CRB1: variants seen among roughly 807,000 people sequenced by gnomAD.
CRB1 encodes the protein crumbs cell polarity complex component 1.
CRB1 carries 83 observed loss-of-function variants against 120.0 expected under a neutral mutation model. The ratio of observed to expected loss-of-function variants is 0.69; its 90% CI spans 0.58 to 0.83. The LOEUF is 0.83. Ranked by LOEUF, CRB1 falls within the 40% of genes least tolerant of loss-of-function variation. CRB1 has a pLI of 0.00. For synonymous variants in CRB1, 625 were observed against 612.5 expected (o/e 1.02, Z -0.30); for missense variants, 1,699 against 1,687.6 (o/e 1.01, Z -0.12).
chr1:197,340,993 A>G (rs1014779851), intron 2 of CRB1, among the ~76,000 whole-genome samples: 29 of 152,260 alleles, frequency 1.9e-4, no homozygotes, highest in Admixed American at 1.0e-3. Flanking sequence ...GCAGCAGGCA[A>G]AGAGAGAGCT....
intron 11 of CRB1, among the ~76,000 whole-genome samples, chr1:197,471,559 G>A (rs898953218): frequency 1.6e-4 from 24 of 152,208 alleles, no homozygotes; most frequent in East Asian, 1.9e-4. Flanking sequence ...CTCTCTGATC[G>A]CCATCCTTTC....
intron 9 of CRB1, among the ~76,000 whole-genome samples, chr1:197,438,310 G>A (rs1258462710): frequency 6.6e-6 from 1 of 152,104 alleles, no homozygotes; most frequent in African/African-American, 2.4e-5. Context: ...TCTCACAAAC[G>A]AAAACTGTGT....
rs1164962515 is a variant in CRB1, at chr1:197,377,141, C to G, written c.1171+20128C>G. On this transcript the variant is annotated intron_variant, in intron 5 of 11. Transcript: ENST00000367400. ...ACCCCAACACATACAAACACATGCT[C>G]TATTTCCTTACCCTTATTAATTTCT... Among the ~76,000 whole-genome samples, 7 of 152,204 alleles carry G rather than the reference C, an allele frequency of 4.6e-5. No individual in the cohort carries two copies. The East Asian group carries it at 1.4e-3, about 29-fold the overall frequency.
chr1:197,252,582 A>ATATATATATATATATGTG, the CRB1 span, among the ~76,000 whole-genome samples: 7 of 15,500 alleles, frequency 4.5e-4, no homozygotes, highest in Non-Finnish European at 5.6e-4. Context: ...ATATATATAT[A>ATATATATATATATATGTG]TGTGTGTGTG....
At chr1:197,409,219 C>T (rs948782521) in intron 5 of CRB1, among the ~76,000 whole-genome samples, 3 of 152,148 alleles carry the variant, frequency 2.0e-5, no homozygotes, top group Non-Finnish European at 4.4e-5. Context: ...CCATGCTATA[C>T]GCTGTACACA....
At chr1:197,420,978 G>A (rs1423104175) in intron 5 of CRB1, 22 bp from the exon 6 acceptor site, 1 of 1,358,886 alleles carries the variant, frequency 7.4e-7, no homozygotes, top group Non-Finnish European at 1.1e-6. Flanking sequence ...TATAATTTTA[G>A]CCCTTTTTTA....
the CRB1 span, among the ~76,000 whole-genome samples, chr1:197,230,876 A>G: frequency 4.6e-5 from 7 of 152,184 alleles, no homozygotes; most frequent in Non-Finnish European, 2.9e-5. Context: ...AATCTTAGAC[A>G]TGTTATTTAG....
At chr1:197,380,653 T>G (rs1045961435) in intron 5 of CRB1, among the ~76,000 whole-genome samples, 10 of 152,190 alleles carry the variant, frequency 6.6e-5, no homozygotes, top group Admixed American at 6.5e-4. Flanking sequence ...GCTGGGCACT[T>G]AACTTCAATC....
intron 2 of CRB1, among the ~76,000 whole-genome samples, chr1:197,337,274 T>G (rs79844463): frequency 0.021 from 3,267 of 152,242 alleles, 36 homozygotes; most frequent in Middle Eastern, 0.027. Context: ...TTTCTCCTAG[T>G]GCCTACCTAG....
chr1:197,432,357 A>AACACACACAC (rs35921087), intron 8 of CRB1, among the ~76,000 whole-genome samples: 4 of 139,770 alleles, frequency 2.9e-5, no homozygotes, highest in African/African-American at 8.1e-5. Context: ...ACCTGGTTGA[A>AACACACACAC]ACACACACAC....
At chr1:197,218,934 TATC>T in the CRB1 span, among the ~76,000 whole-genome samples, 1 of 152,042 alleles carries the variant, frequency 6.6e-6, no homozygotes, top group African/African-American at 2.4e-5. Flanking sequence ...AAAACAGATT[TATC>T]ATAGCAGCAA....
In CRB1 at chr1:197,421,065, G is replaced by C; in HGVS notation, c.1237G>C (p.Glu413Gln). Residue 413 changes from glutamate (E) to glutamine (Q), a missense_variant, in exon 6 of 12, where the codon GAG (glutamate) becomes CAG (glutamine). Glu to Gln is a conservative substitution (Grantham distance 29). Coordinates refer to ENST00000367400, the MANE Select transcript of CRB1 (RefSeq NM_201253.3). ...SNPCQNGGTC[E>Q]NLPGNYTCHC... ...CCCTTGCCAAAATGGTGGTACTTGT[G>C]AGAACTTGCCTGGGAATTATACTTG... is the stretch of plus-strand genomic sequence containing the variant. 1 of 1,614,212 alleles carries C rather than the reference G, an allele frequency of 6.2e-7. No individual in the cohort carries two copies. Among genetic ancestry groups the C allele is most frequent in the Non-Finnish European group, 8.5e-7 (1 of 1,180,044 alleles).
chr1:197,445,611 G>T (rs186604622), intron 11 of CRB1, among the ~76,000 whole-genome samples: 1 of 152,068 alleles, frequency 6.6e-6, no homozygotes, highest in Non-Finnish European at 1.5e-5. Context: ...TTTAAAAATA[G>T]AAACTGTTAA....
intron 1 of CRB1, among the ~76,000 whole-genome samples, chr1:197,270,004 G>C (rs190534616): frequency 6.6e-6 from 1 of 152,074 alleles, no homozygotes; most frequent in South Asian, 2.1e-4. Context: ...TTTTGTCTGT[G>C]TTGATATATT....
intron 5 of CRB1, among the ~76,000 whole-genome samples, chr1:197,359,599 C>G (rs1243453204): frequency 6.6e-6 from 1 of 152,084 alleles, no homozygotes; most frequent in Non-Finnish European, 1.5e-5. Flanking sequence ...ATTCACTTCT[C>G]TAAGGTAAAT....
At chr1:197,401,244 A>C (rs1169885085) in intron 5 of CRB1, among the ~76,000 whole-genome samples, 1 of 151,864 alleles carries the variant, frequency 6.6e-6, no homozygotes, top group African/African-American at 2.4e-5. Context: ...TTTTTTGTAT[A>C]TTATTTTGTT....
chr1:197,440,074 G>A (rs1394944434), intron 10 of CRB1: 2 of 152,146 alleles, frequency 1.3e-5, no homozygotes, highest in African/African-American at 4.8e-5. Context: ...CTTATTAACT[G>A]AGATCGTTTA....
Position 197,429,737 on chromosome 1 carries a change from C to T in CRB1, c.2842+123C>T, listed in dbSNP as rs1664786027. 33 of 1,054,190 alleles carry T rather than the reference C, an allele frequency of 3.1e-5. No individual in the cohort carries two copies. In the East Asian group the frequency reaches 8.0e-4, roughly 26 times the overall value. 65.3% of individuals were successfully genotyped at this position (1,054,190 alleles called of 1,614,324 possible). A position where few individuals can be genotyped will look rare whatever the true frequency, so the allele number is the denominator to read the frequency against. ...TATTAAATTAATCTATGGTTGTTTC[C>T]CCTATGCGAGTAGGCTAATACTGAC... On this transcript the variant is annotated intron_variant, in intron 8 of 11. Coordinates refer to ENST00000367400, the MANE Select transcript of CRB1 (RefSeq NM_201253.3).
chr1:197,380,815 G>A lies in CRB1; in HGVS notation c.1171+23802G>A, dbSNP rs1661916578. Among the ~76,000 whole-genome samples, 2 of 152,142 alleles carry A rather than the reference G, an allele frequency of 1.3e-5. 1 individual carries two copies. The highest frequency in any genetic ancestry group is 4.1e-4 in the South Asian group (2 of 4,826). ...GCTCTTGTGTGCTTTGATCCATCCTGTCTGAGTGCATCTCCATGCCAAATT... is the reference window on the plus strand; with the variant it reads ...GCTCTTGTGTGCTTTGATCCATCCTATCTGAGTGCATCTCCATGCCAAATT... On this transcript the variant is annotated intron_variant, in intron 5 of 11. Transcript: ENST00000367400.
Sources: gnomAD v4.1 joint callset for allele counts (sites outside exome capture counted in the v4.1 genomes callset) on GRCh38, gnomAD v4.1.1 for gene constraint, MANE v1.5 for transcripts, NCBI Gene and HGNC (gene_info 2026-07-23, HGNC 2026-07-21) for gene names.